CACNA1C: variants seen among roughly 807,000 people sequenced by gnomAD.
The protein encoded by CACNA1C is calcium voltage-gated channel subunit alpha1 C, also known as voltage-dependent L-type calcium channel subunit alpha-1C.
A neutral mutation model predicts 229.0 loss-of-function variants in CACNA1C; 30 were observed. That is an observed-to-expected ratio of 0.13 (90% CI 0.10 to 0.18). CACNA1C has a LOEUF of 0.18. CACNA1C is among the 10% of genes least tolerant of loss of function. The pLI is 1.00. For synonymous variants in CACNA1C, 1,114 were observed against 1,132.5 expected (o/e 0.98, Z 0.33); for missense variants, 1,658 against 2,845.0 (o/e 0.58, Z 9.49).
chr12:2,581,933 G>T (rs1370035941), intron 14 of CACNA1C, 136 bp downstream of exon 14: 128 of 566,676 alleles, frequency 2.3e-4, no homozygotes, highest in Non-Finnish European at 6.3e-5. Flanking sequence ...CCATGCCCGG[G>T]AGAGTCTTGA....
At position 2,128,583 on chromosome 12, in the gene CACNA1C, T is replaced by C. The variant is rs181304045; in HGVS notation, c.477+8153T>C. 4.9e-4 allele frequency among the ~76,000 whole-genome samples: 74 copies of C among 152,264 alleles called. No homozygotes were observed. The East Asian group carries it at 0.012, about 24-fold the overall frequency. ...TCAGCACCATGCCCAGCTAATTTTT[T>C]TGTATTTTTAGTAGAGACGGGGTTT... is the stretch of plus-strand genomic sequence containing the variant. On this transcript the variant is annotated intron_variant, in intron 3 of 46. Transcript: ENST00000399655.
intron 1 of CACNA1C, chr12:2,018,399 A>G (rs145369753): frequency 3.3e-5 from 5 of 152,238 alleles, no homozygotes; most frequent in African/African-American, 1.2e-4. Context: ...CGGTTTTTAT[A>G]CTGGCCATGT....
intron 1 of CACNA1C, among the ~76,000 whole-genome samples, chr12:1,984,049 C>T (rs2036930823): frequency 6.6e-6 from 1 of 151,990 alleles, no homozygotes; most frequent in Non-Finnish European, 1.5e-5. Context: ...CTAGACACCC[C>T]AGTTTTCTTT....
Position 2,429,695 on chromosome 12 carries a change from C to G in CACNA1C, c.478-19281C>G, listed in dbSNP as rs550609647. On this transcript the variant is annotated intron_variant, in intron 3 of 46. Transcript: ENST00000399655. ...AGGAGATGGCTTTGTAAGTTAAGTTCAGAAATTTGCAAGGGGTGCTTGGAG... is the reference window on the plus strand; with the variant it reads ...AGGAGATGGCTTTGTAAGTTAAGTTGAGAAATTTGCAAGGGGTGCTTGGAG... Among the ~76,000 whole-genome samples the G allele has an allele frequency of 5.4e-4, 82 of 152,272 alleles. 1 individual carries two copies. In the South Asian group the frequency reaches 0.016, roughly 30 times the overall value.
intron 30 of CACNA1C, among the ~76,000 whole-genome samples, chr12:2,634,647 G>T (rs1240504622): frequency 6.6e-6 from 1 of 151,006 alleles, no homozygotes; most frequent in East Asian, 1.9e-4. Context: ...CATACAATCA[G>T]CCTGGCATGA....
chr12:2,031,621 C>T (rs1728135366), intron 1 of CACNA1C, among the ~76,000 whole-genome samples: 2 of 152,172 alleles, frequency 1.3e-5, no homozygotes, highest in South Asian at 4.2e-4. Context: ...TATCCTACTA[C>T]CCCTTACCTT....
At position 2,408,330 on chromosome 12, in the gene CACNA1C, C is replaced by G. The variant is rs577559774; in HGVS notation, c.478-40646C>G. Among the ~76,000 whole-genome samples the G allele has an allele frequency of 4.6e-5, 7 of 152,240 alleles. 1 individual carries two copies. In the South Asian group the frequency reaches 1.5e-3, roughly 32 times the overall value. ...CAGGAGATGGGTGGTGATAATTGCA[C>G]AACAATGTAAATGTGCTTAATGCCA... On this transcript the variant is annotated intron_variant, in intron 3 of 46. Coordinates refer to ENST00000399655, the MANE Select transcript of CACNA1C (RefSeq NM_000719.7).
chr12:2,236,010 A>G (rs1455040290), intron 3 of CACNA1C, among the ~76,000 whole-genome samples: 1 of 152,190 alleles, frequency 6.6e-6, no homozygotes. Context: ...AAAGGTTAAT[A>G]ATTTTGCTTA....
intron 3 of CACNA1C, among the ~76,000 whole-genome samples, chr12:2,344,613 C>T (rs2096956402): frequency 1.3e-5 from 2 of 152,134 alleles, no homozygotes; most frequent in African/African-American, 4.8e-5. Context: ...AGTGCGGAGT[C>T]TGTGGGCTGT....
At chr12:2,233,539 C>T (rs2066146332) in intron 3 of CACNA1C, among the ~76,000 whole-genome samples, 1 of 152,090 alleles carries the variant, frequency 6.6e-6, no homozygotes. Flanking sequence ...CATGTAAGTT[C>T]AGCCTAGGGA....
chr12:2,245,917 C>T (rs370726054), intron 3 of CACNA1C, among the ~76,000 whole-genome samples: 1 of 152,242 alleles, frequency 6.6e-6, no homozygotes, highest in East Asian at 1.9e-4. Flanking sequence ...TGCATTTGGC[C>T]CCAAGGGTTT....
intron 2 of CACNA1C, among the ~76,000 whole-genome samples, chr12:2,117,743 C>T (rs2084603466): frequency 6.6e-6 from 1 of 152,230 alleles, no homozygotes; most frequent in African/African-American, 2.4e-5. Context: ...CTGGGACACG[C>T]CGGACCTGGA....
At chr12:2,560,425 AG>A (rs2046837907) in intron 11 of CACNA1C, among the ~76,000 whole-genome samples, 1 of 152,252 alleles carries the variant, frequency 6.6e-6, no homozygotes, top group African/African-American at 2.4e-5. Flanking sequence ...GTGGCCGGTT[AG>A]TGGATTACAG....
intron 3 of CACNA1C, among the ~76,000 whole-genome samples, chr12:2,315,845 A>C (rs1469338601): frequency 1.3e-5 from 2 of 152,192 alleles, no homozygotes; most frequent in African/African-American, 4.8e-5. Flanking sequence ...CTTTTCCTAG[A>C]TCACTTTTAG....
At chr12:2,513,550 G>T (rs766693541) in intron 9 of CACNA1C, among the ~76,000 whole-genome samples, 4 of 152,244 alleles carry the variant, frequency 2.6e-5, no homozygotes, top group Non-Finnish European at 5.9e-5. Context: ...AATGCAATTA[G>T]GTGATGGAAG....
At chr12:2,024,319 T>C (rs1271819733) in intron 1 of CACNA1C, among the ~76,000 whole-genome samples, 1 of 152,216 alleles carries the variant, frequency 6.6e-6, no homozygotes, top group African/African-American at 2.4e-5. Context: ...TATTTATAGA[T>C]GACATCCTTA....
intron 30 of CACNA1C, chr12:2,641,569 A>C: frequency 1.9e-5 from 11 of 592,366 alleles, no homozygotes; most frequent in South Asian, 6.0e-5. Context: ...GCTTCTTCCC[A>C]CTTTCGGCAA....
chr12:2,268,977 GC>G (rs898719543), intron 3 of CACNA1C, among the ~76,000 whole-genome samples: 3 of 152,130 alleles, frequency 2.0e-5, no homozygotes, highest in African/African-American at 7.2e-5. Flanking sequence ...CCCACCCCCT[GC>G]CCAGGGTCGG....
chr12:2,499,815 T>A (rs112671724), intron 7 of CACNA1C, among the ~76,000 whole-genome samples: 96 of 151,962 alleles, frequency 6.3e-4, no homozygotes, highest in Middle Eastern at 3.4e-3. Flanking sequence ...TTTTTTTTTT[T>A]AAATCTGACT....
Sources: allele counts gnomAD v4.1 joint callset (sites outside exome capture counted in the v4.1 genomes callset), GRCh38; gene constraint gnomAD v4.1.1; transcripts MANE v1.5; gene names NCBI Gene and HGNC (gene_info 2026-07-23, HGNC 2026-07-21).